RGS7: variants seen among roughly 807,000 people sequenced by gnomAD.
RGS7 encodes the protein regulator of G protein signaling 7.
RGS7 carries 27 observed loss-of-function variants against 81.1 expected under a neutral mutation model. That is an observed-to-expected ratio of 0.33 (90% CI 0.25 to 0.46). RGS7 has a LOEUF of 0.46. Ranked by LOEUF, RGS7 falls within the 20% of genes least tolerant of loss-of-function variation. RGS7 has a pLI of 1.00. For synonymous variants in RGS7, 208 were observed against 207.7 expected (o/e 1.00, Z -0.01); for missense variants, 396 against 607.4 (o/e 0.65, Z 3.66).
chr1:241,153,401 A>AGG (rs763988413), intron 2 of RGS7, among the ~76,000 whole-genome samples: 2 of 152,210 alleles, frequency 1.3e-5, no homozygotes, highest in Non-Finnish European at 2.9e-5. Context: ...ACATATTATG[A>AGG]GGCGCTGAAC....
chr1:241,013,397 G>T lies in RGS7; in HGVS notation c.176-30268C>A, dbSNP rs2059070835. On this transcript the variant is annotated intron_variant, in intron 3 of 18. Transcript: ENST00000440928. ...GCTTCGAGTCTCACACTTTGTGTATGGCTCCTGTGTCCACATGAATGTTCA... is the reference window on the plus strand; with the variant it reads ...GCTTCGAGTCTCACACTTTGTGTATTGCTCCTGTGTCCACATGAATGTTCA... 2.0e-5 allele frequency among the ~76,000 whole-genome samples: 3 copies of T among 152,072 alleles called. No individual in the cohort carries two copies. The South Asian group carries it at 6.2e-4, about 32-fold the overall frequency.
In RGS7 at chr1:241,167,579, C is replaced by T. The variant is rs566777606; in HGVS notation, c.79-68817G>A. ...TGTCACCCAGGCTGGAGGGCAATGGCGCAATCTCGGCTCACTGCAACCTCC... is the reference window on the plus strand; with the variant it reads ...TGTCACCCAGGCTGGAGGGCAATGGTGCAATCTCGGCTCACTGCAACCTCC... On this transcript the variant is annotated intron_variant, in intron 2 of 18. Coordinates refer to ENST00000440928, the MANE Select transcript of RGS7 (RefSeq NM_001364886.1). Among the ~76,000 whole-genome samples the T allele has an allele frequency of 7.2e-5, 11 of 151,810 alleles. No individual in the cohort carries two copies. In the South Asian group the frequency reaches 1.7e-3, roughly 23 times the overall value.
In RGS7 at chr1:241,235,601, A is replaced by T. The variant is rs1303492752; in HGVS notation, c.78+120098T>A. 1.4e-3 allele frequency among the ~76,000 whole-genome samples: 100 copies of T among 72,734 alleles called. 1 individual carries two copies. The highest frequency in any genetic ancestry group is 4.6e-3 in the African/African-American group (85 of 18,396). 47.7% of individuals were successfully genotyped at this position (72,734 alleles called of 152,430 possible). A position where few individuals can be genotyped will look rare whatever the true frequency, so the allele number is the denominator to read the frequency against. ...TTTCTTTCTCTTTCTTTCTTCCTTTATTTTTCTTTCTTCCTTTCCCTTTTC... is the reference window on the plus strand; with the variant it reads ...TTTCTTTCTCTTTCTTTCTTCCTTTTTTTTTCTTTCTTCCTTTCCCTTTTC... On this transcript the variant is annotated intron_variant, in intron 2 of 18. Transcript: ENST00000440928.
intron 3 of RGS7, among the ~76,000 whole-genome samples, chr1:241,075,362 T>C (rs1316771042): frequency 6.6e-6 from 1 of 152,200 alleles, no homozygotes; most frequent in Non-Finnish European, 1.5e-5. Context: ...AAAGATTTTA[T>C]ACTTGGGAAT....
At chr1:241,319,763 T>G (rs2081102277) in intron 2 of RGS7, among the ~76,000 whole-genome samples, 1 of 152,132 alleles carries the variant, frequency 6.6e-6, no homozygotes. Flanking sequence ...ATTAAACATA[T>G]TCTAGAAAAT....
intron 2 of RGS7, among the ~76,000 whole-genome samples, chr1:241,181,088 T>G (rs1430365708): frequency 1.3e-5 from 2 of 152,192 alleles, no homozygotes; most frequent in African/African-American, 2.4e-5. Flanking sequence ...CACAGAGGAT[T>G]TTTAAGGCAA....
chr1:240,830,652 G>T (rs768721506), intron 9 of RGS7, among the ~76,000 whole-genome samples: 1 of 152,114 alleles, frequency 6.6e-6, no homozygotes, highest in Non-Finnish European at 1.5e-5. Context: ...CTTCAAATAG[G>T]TTTCTGAGAA....
At chr1:240,913,788 GTTT>G (rs540180563) in intron 6 of RGS7, among the ~76,000 whole-genome samples, 1 of 144,890 alleles carries the variant, frequency 6.9e-6, no homozygotes, top group Admixed American at 6.9e-5. Context: ...CTGTAATTTT[GTTT>G]TTTTTTTATT....
Position 241,065,361 on chromosome 1 carries a change from T to C in RGS7, c.175+33305A>G, listed in dbSNP as rs181253050. ...ACCTGGCAAATGAGTGGGCTTACAC[T>C]GGGTACTCCCCAAAATTTACCCCCA... On this transcript the variant is annotated intron_variant, in intron 3 of 18. Transcript: ENST00000440928. Among the ~76,000 whole-genome samples, 427 of 151,802 alleles carry C rather than the reference T, an allele frequency of 2.8e-3. 1 individual carries two copies. The highest frequency in any genetic ancestry group is 4.5e-3 in the Non-Finnish European group (305 of 67,912).
intron 2 of RGS7, among the ~76,000 whole-genome samples, chr1:241,189,078 G>A (rs778007821): frequency 3.3e-4 from 50 of 152,026 alleles, no homozygotes; most frequent in African/African-American, 1.0e-3. Context: ...GGGCTCAAGC[G>A]ATCCTCCCAC....
In RGS7 at chr1:241,023,861, T is replaced by C. The variant is rs570394445; in HGVS notation, c.176-40732A>G. 2.6e-5 allele frequency among the ~76,000 whole-genome samples: 4 copies of C among 152,302 alleles called. No homozygotes were observed. In the East Asian group the frequency reaches 7.8e-4, roughly 30 times the overall value. On this transcript the variant is annotated intron_variant, in intron 3 of 18. Coordinates refer to ENST00000440928, the MANE Select transcript of RGS7 (RefSeq NM_001364886.1). Reference sequence around the variant, plus strand: ...CCTGGGTTCAAGAGATTCTCCTGCCTCCACCTCCCGAGTAGTTGGGATTAC... The same window carrying C: ...CCTGGGTTCAAGAGATTCTCCTGCCCCCACCTCCCGAGTAGTTGGGATTAC...
chr1:240,930,607 C>T (rs1675272968), intron 6 of RGS7, 110 bp downstream of exon 6: 1 of 1,041,552 alleles, frequency 9.6e-7, no homozygotes, highest in African/African-American at 1.6e-5. Context: ...TTGGTCCCAT[C>T]CTGAGAACTG....
chr1:241,042,403 A>C (rs1339137284), intron 3 of RGS7, among the ~76,000 whole-genome samples: 2 of 152,136 alleles, frequency 1.3e-5, no homozygotes, highest in Non-Finnish European at 2.9e-5. Context: ...ATTTTGATTT[A>C]TGTTTTTGCT....
chr1:241,132,735 CTTATTA>C, intron 2 of RGS7, among the ~76,000 whole-genome samples: 1 of 142,636 alleles, frequency 7.0e-6, no homozygotes, highest in East Asian at 2.2e-4. Context: ...AATAATTCAA[CTTATTA>C]TTTGTTTGTT....
chr1:241,206,186 C>G (rs2073869490), intron 2 of RGS7, among the ~76,000 whole-genome samples: 2 of 150,552 alleles, frequency 1.3e-5, no homozygotes, highest in African/African-American at 4.9e-5. Context: ...TGTTGCCATT[C>G]TTACCCAGTT....
chr1:241,089,993 CA>C (rs10716500), intron 3 of RGS7, among the ~76,000 whole-genome samples: 27,567 of 92,032 alleles, frequency 0.3, 3,720 homozygotes, highest in African/African-American at 0.47. Flanking sequence ...GACTCCATCT[CA>C]AAAAAAAAAA....
intron 4 of RGS7, among the ~76,000 whole-genome samples, chr1:240,951,727 A>G (rs533132210): frequency 4.5e-4 from 69 of 152,334 alleles, no homozygotes; most frequent in African/African-American, 1.6e-3. Flanking sequence ...AGTGCAGCAG[A>G]AGAAATATTG....
At chr1:240,949,237 G>A (rs1321949016) in intron 4 of RGS7, among the ~76,000 whole-genome samples, 1 of 152,030 alleles carries the variant, frequency 6.6e-6, no homozygotes, top group Non-Finnish European at 1.5e-5. Context: ...CTTATCTTAT[G>A]TAATTAATTA....
At chr1:240,944,619 C>A (rs1444295791) in intron 4 of RGS7, among the ~76,000 whole-genome samples, 3 of 151,982 alleles carry the variant, frequency 2.0e-5, no homozygotes, top group Non-Finnish European at 4.4e-5. Context: ...GCCAAACAAG[C>A]ACATGTGGAA....
Sources: gnomAD v4.1 joint callset for allele counts (sites outside exome capture counted in the v4.1 genomes callset) on GRCh38, gnomAD v4.1.1 for gene constraint, MANE v1.5 for transcripts, NCBI Gene and HGNC (gene_info 2026-07-23, HGNC 2026-07-21) for gene names.